Variants in HADH observed in about 807,000 individuals in gnomAD.
The protein encoded by HADH is hydroxyacyl-coenzyme A dehydrogenase, mitochondrial.
HADH carries 24 observed loss-of-function variants against 32.2 expected under a neutral mutation model. The ratio of observed to expected loss-of-function variants is 0.75; its 90% CI spans 0.54 to 1.05. The LOEUF is 1.05. HADH is among the 50% of genes least tolerant of loss of function. The pLI is 0.00. For synonymous variants in HADH, 139 were observed against 152.5 expected, an observed-to-expected ratio of 0.91 and a Z score of 0.65; for missense variants, 350 against 397.1, an observed-to-expected ratio of 0.88 and a Z score of 1.01.
At chr4:107,994,849 G>A (rs1486153484) in intron 1 of HADH, among the ~76,000 whole-genome samples, 1 of 152,360 alleles carries the variant, frequency 6.6e-6, no homozygotes, top group Admixed American at 6.5e-5. Context: ...GACTCTGGGT[G>A]AGGTTGGAGA....
Position 107,989,970 on chromosome 4 carries a change from C to T in HADH, c.38C>T (p.Ser13Phe), listed in dbSNP as rs143346680. Residue 13 changes from serine to phenylalanine, a missense_variant, in exon 1 of 8, where the codon TCC becomes TTC. Physicochemically the swap from Ser to Phe is radical, Grantham distance 155. Transcript: ENST00000309522. ...FVTRQFMRSV[S>F]SSSTASASAK... ...ACCAGGCAGTTCATGCGTTCCGTGT[C>T]CTCCTCGTCCACCGCCTCGGCCTCG... The T allele has an allele frequency of 5.6e-6, 9 of 1,612,870 alleles. No homozygotes were observed. In the South Asian group the frequency reaches 8.8e-5, roughly 16 times the overall value.
intron 6 of HADH, chr4:108,028,166 T>C: frequency 3.7e-6 from 1 of 270,340 alleles, no homozygotes. Flanking sequence ...TGACAGGTGA[T>C]TAGAAATATG....
intron 1 of HADH, among the ~76,000 whole-genome samples, chr4:107,997,285 G>A (rs1734984061): frequency 6.6e-6 from 1 of 152,190 alleles, no homozygotes; most frequent in African/African-American, 2.4e-5. Context: ...GATGAAAACG[G>A]TGGCCCTCCT....
chr4:108,032,876 G>C (rs1044915971), intron 6 of HADH: 12 of 404,180 alleles, frequency 3.0e-5, no homozygotes, highest in Non-Finnish European at 5.1e-5. Flanking sequence ...CAGCCACTAG[G>C]GAGGCTGAGG....
At chr4:108,007,700 A>C (rs1735336788) in intron 1 of HADH, among the ~76,000 whole-genome samples, 1 of 152,210 alleles carries the variant, frequency 6.6e-6, no homozygotes, top group Non-Finnish European at 1.5e-5. Context: ...CACCAGTAGG[A>C]GATGAACACC....
chr4:108,009,919 A>G, intron 2 of HADH, 32 bp downstream of exon 2: 2 of 1,509,406 alleles, frequency 1.3e-6, no homozygotes, highest in East Asian at 2.3e-5. Flanking sequence ...CTTCAAGACA[A>G]GTCCTCTGAC....
At chr4:108,032,218 T>G (rs1009457726) in intron 6 of HADH, 3 of 640,508 alleles carry the variant, frequency 4.7e-6, no homozygotes, top group Non-Finnish European at 8.5e-6. Flanking sequence ...CTTTTCTGAT[T>G]TCAAAGAAAG....
At chr4:108,016,562 A>G (rs1735701991) in intron 3 of HADH, among the ~76,000 whole-genome samples, 2 of 152,188 alleles carry the variant, frequency 1.3e-5, no homozygotes, top group Middle Eastern at 3.2e-3. Flanking sequence ...AGCCACCCCA[A>G]AAAAGGGAGT....
intron 1 of HADH, chr4:108,004,715 T>A: frequency 6.5e-7 from 1 of 1,531,216 alleles, no homozygotes. Flanking sequence ...AAGAAAGGAA[T>A]GAAGAGAGAA....
intron 1 of HADH, among the ~76,000 whole-genome samples, chr4:107,995,075 C>T (rs1734917086): frequency 6.6e-6 from 1 of 152,066 alleles, no homozygotes; most frequent in Non-Finnish European, 1.5e-5. Flanking sequence ...CTGTGGTAGG[C>T]ACACACACCT....
At chr4:108,016,590 T>A (rs1196169210) in intron 3 of HADH, among the ~76,000 whole-genome samples, 1 of 152,202 alleles carries the variant, frequency 6.6e-6, no homozygotes, top group East Asian at 1.9e-4. Flanking sequence ...AGCAGTTTGA[T>A]CTTTATTGAA....
intron 1 of HADH, among the ~76,000 whole-genome samples, chr4:108,002,775 C>T (rs1228432146): frequency 2.0e-5 from 3 of 152,200 alleles, no homozygotes; most frequent in South Asian, 4.1e-4. Context: ...GTTGTTTATA[C>T]ATTACCCAGT....
chr4:108,006,659 T>G (rs1436757107), intron 1 of HADH, among the ~76,000 whole-genome samples: 1 of 152,134 alleles, frequency 6.6e-6, no homozygotes, highest in Non-Finnish European at 1.5e-5. Context: ...TTCTAACAAG[T>G]CCCCAGGTGA....
chr4:108,022,839 A>G (rs1735938073), intron 4 of HADH, among the ~76,000 whole-genome samples: 1 of 152,144 alleles, frequency 6.6e-6, no homozygotes, highest in Admixed American at 6.5e-5. Flanking sequence ...TTCAGTTTCA[A>G]GAAACATACT....
intron 1 of HADH, among the ~76,000 whole-genome samples, chr4:107,991,558 AC>A (rs11316445): frequency 0.13 from 19,888 of 151,992 alleles, 2,127 homozygotes; most frequent in African/African-American, 0.29. Flanking sequence ...TTCCTCTGAG[AC>A]CATAATTTTG....
At chr4:108,014,349 C>T in intron 2 of HADH, 82 bp from the exon 3 acceptor site, 1 of 1,525,220 alleles carries the variant, frequency 6.6e-7, no homozygotes, top group African/African-American at 1.4e-5. Context: ...ACCCAGTTTG[C>T]TAACTGGAGC....
chr4:108,021,863 T>G (rs527465815), intron 4 of HADH, among the ~76,000 whole-genome samples: 2 of 152,332 alleles, frequency 1.3e-5, no homozygotes, highest in African/African-American at 2.4e-5. Flanking sequence ...CACTGTGTCT[T>G]TTCCTGTTTC....
intron 1 of HADH, among the ~76,000 whole-genome samples, chr4:107,995,009 A>G (rs1361475660): frequency 2.0e-5 from 3 of 152,086 alleles, no homozygotes; most frequent in Non-Finnish European, 4.4e-5. Flanking sequence ...CTCCAGCTTT[A>G]ATCACTTGCC....
At chr4:108,000,152 C>T (rs979577120) in intron 1 of HADH, among the ~76,000 whole-genome samples, 1 of 152,158 alleles carries the variant, frequency 6.6e-6, no homozygotes, top group South Asian at 2.1e-4. Context: ...TCTCTCCGTA[C>T]TATCTTGATT....
Sources: allele counts gnomAD v4.1 joint callset (sites outside exome capture counted in the v4.1 genomes callset), GRCh38; gene constraint gnomAD v4.1.1; transcripts MANE v1.5; gene names NCBI Gene and HGNC (gene_info 2026-07-23, HGNC 2026-07-21).